The following EPHB1 variants were observed in gnomAD, a reference collection of about 807,000 sequenced individuals.
EPHB1 encodes the protein EPH receptor B1.
Under a neutral mutation model 94.4 loss-of-function variants are expected in EPHB1, and 30 were observed. The observed-to-expected ratio is 0.32, with a 90% CI of 0.24 to 0.43. EPHB1 has a LOEUF of 0.43. Among genes scored for constraint, EPHB1 ranks in the 20% least tolerant of loss-of-function variants. The probability of loss-of-function intolerance (pLI) is 1.00; values close to 1 mark genes in which losing one functional copy is unlikely to be tolerated. For synonymous variants in EPHB1, 522 were observed against 489.1 expected, an observed-to-expected ratio of 1.07 and a Z score of -0.89; for missense variants, 1,055 against 1,308.3, an observed-to-expected ratio of 0.81 and a Z score of 2.99.
At position 134,921,357 on chromosome 3, in the gene EPHB1, C is replaced by T. The variant is rs182508874; in HGVS notation, c.59-4459C>T. 2.6e-5 allele frequency among the ~76,000 whole-genome samples: 4 copies of T among 152,326 alleles called. No homozygotes were observed. In the East Asian group the frequency reaches 7.7e-4, roughly 29 times the overall value. ...AACCTCAAGCATTTCCCTTTGCCTA[C>T]ACACAGGGCGAATCTCCCTGATGCT... is the stretch of plus-strand genomic sequence containing the variant. On this transcript the variant is annotated intron_variant, in intron 1 of 15. Transcript: ENST00000398015.
At chr3:134,812,823 ATTGT>A (rs1340641873) in intron 1 of EPHB1, among the ~76,000 whole-genome samples, 1 of 151,972 alleles carries the variant, frequency 6.6e-6, no homozygotes, top group African/African-American at 2.4e-5. Flanking sequence ...ATGGCATCTC[ATTGT>A]TTGTTTTCGT....
intron 10 of EPHB1, among the ~76,000 whole-genome samples, chr3:135,185,233 G>T (rs1274880943): frequency 1.3e-5 from 2 of 152,220 alleles, no homozygotes. Context: ...TGTGGATGGG[G>T]ATGGAGTCAT....
rs1933586423 is a variant in EPHB1, at chr3:135,260,275, G to T, written c.*1155G>T. The T allele has an allele frequency of 4.3e-6, 1 of 233,050 alleles. No homozygotes were observed. Among genetic ancestry groups the T allele is most frequent in the African/African-American group, 2.2e-5 (1 of 45,332 alleles). The allele number at this position is 233,050 out of a possible 1,614,324, so 14.4% of individuals were successfully genotyped here. ...TTACCTATGGACTGGCTTAAGCCGT[G>T]TGGCATCCGAGGAATGTTTCAAATG... is the stretch of plus-strand genomic sequence containing the variant. On this transcript the variant is annotated 3_prime_UTR_variant, in exon 16 of 16. Transcript: ENST00000398015.
rs564675711 is a variant in EPHB1, at chr3:134,958,913, C to T, written c.805+6861C>T. ...ACCCCCTTGTGCTCTGCATAATGAT[C>T]CTTTCTGCCTTTGAGACACAGGGCT... is the stretch of plus-strand genomic sequence containing the variant. On this transcript the variant is annotated intron_variant, in intron 3 of 15. Coordinates refer to ENST00000398015, the MANE Select transcript of EPHB1 (RefSeq NM_004441.5). Among the ~76,000 whole-genome samples the T allele has an allele frequency of 1.1e-4, 17 of 152,282 alleles. No homozygotes were observed. In the South Asian group the frequency reaches 2.5e-3, roughly 22 times the overall value.
intron 3 of EPHB1, among the ~76,000 whole-genome samples, chr3:135,057,131 G>A (rs1408977286): frequency 2.0e-5 from 3 of 152,164 alleles, no homozygotes; most frequent in African/African-American, 7.2e-5. Context: ...GAGGGGGCTG[G>A]GGAAGGAGCC....
In EPHB1 at chr3:134,867,017, A is replaced by G. The variant is rs541465513; in HGVS notation, c.59-58799A>G. Among the ~76,000 whole-genome samples, 7 of 152,294 alleles carry G rather than the reference A, an allele frequency of 4.6e-5. No homozygotes were observed. In the East Asian group the frequency reaches 1.2e-3, roughly 25 times the overall value. On this transcript the variant is annotated intron_variant, in intron 1 of 15. Transcript: ENST00000398015. ...ACATTGAGCAGCCCATCGTGTCACT[A>G]GATACCTGGGGGCTGATCCCGTCCA...
At chr3:135,160,441 A>G (rs1290091540) in intron 6 of EPHB1, among the ~76,000 whole-genome samples, 1 of 152,188 alleles carries the variant, frequency 6.6e-6, no homozygotes, top group Admixed American at 6.5e-5. Flanking sequence ...CCAAGAATAC[A>G]GTTTACAATT....
intron 3 of EPHB1, among the ~76,000 whole-genome samples, chr3:135,007,867 A>G (rs950629666): frequency 5.3e-5 from 8 of 152,232 alleles, no homozygotes; most frequent in African/African-American, 1.9e-4. Context: ...GCTGTTGATC[A>G]GGTCAGGACG....
intron 4 of EPHB1, among the ~76,000 whole-genome samples, chr3:135,129,561 G>T (rs1195090945): frequency 2.0e-5 from 3 of 152,204 alleles, no homozygotes; most frequent in African/African-American, 7.2e-5. Context: ...AGGTGGGAGG[G>T]CAAAGTGCTG....
chr3:134,800,294 A>C (rs2035912099), intron 1 of EPHB1, among the ~76,000 whole-genome samples: 1 of 152,232 alleles, frequency 6.6e-6, no homozygotes, highest in African/African-American at 2.4e-5. Context: ...AAAGAAAGTA[A>C]GATGCTATTA....
intron 1 of EPHB1, among the ~76,000 whole-genome samples, chr3:134,809,640 C>T (rs1183667836): frequency 2.0e-5 from 3 of 152,220 alleles, no homozygotes; most frequent in Non-Finnish European, 4.4e-5. Context: ...ACATCGCCCT[C>T]TTTTATGGTG....
At chr3:134,990,209 T>C (rs996117389) in intron 3 of EPHB1, among the ~76,000 whole-genome samples, 2 of 152,222 alleles carry the variant, frequency 1.3e-5, no homozygotes, top group Non-Finnish European at 2.9e-5. Flanking sequence ...AATATAGCTA[T>C]AGAGAAGTCT....
intron 3 of EPHB1, among the ~76,000 whole-genome samples, chr3:135,019,952 A>G (rs2107753731): frequency 6.6e-6 from 1 of 152,328 alleles, no homozygotes; most frequent in Non-Finnish European, 1.5e-5. Context: ...GAGTCTGGAT[A>G]CCTACTGCCA....
chr3:134,927,223 T>C (rs2038812641), intron 2 of EPHB1, among the ~76,000 whole-genome samples: 1 of 152,218 alleles, frequency 6.6e-6, no homozygotes, highest in Admixed American at 6.5e-5. Context: ...GTGGTTCTAA[T>C]CGGGACATTT....
intron 12 of EPHB1, among the ~76,000 whole-genome samples, chr3:135,223,437 C>T (rs1477014055): frequency 1.3e-5 from 2 of 152,138 alleles, no homozygotes. Context: ...AAGTATAGGC[C>T]ATCAAACCTG....
intron 3 of EPHB1, among the ~76,000 whole-genome samples, chr3:135,042,548 G>T: frequency 6.6e-6 from 1 of 152,106 alleles, no homozygotes; most frequent in Non-Finnish European, 1.5e-5. Context: ...ATTTTTATTT[G>T]CTAAATCCAG....
intron 3 of EPHB1, among the ~76,000 whole-genome samples, chr3:135,049,654 A>G (rs1937109157): frequency 6.6e-6 from 1 of 152,240 alleles, no homozygotes. Flanking sequence ...TACAGAACCC[A>G]GATTTAAGAG....
chr3:134,903,914 A>G (rs1013318692), intron 1 of EPHB1, among the ~76,000 whole-genome samples: 23 of 152,206 alleles, frequency 1.5e-4, no homozygotes, highest in Non-Finnish European at 2.9e-5. Flanking sequence ...CGAAGGAAAA[A>G]GCCTGAAGGC....
chr3:135,092,903 A>C (rs1938610610), intron 3 of EPHB1, among the ~76,000 whole-genome samples: 1 of 152,206 alleles, frequency 6.6e-6, no homozygotes, highest in African/African-American at 2.4e-5. Flanking sequence ...CTGGGATTAC[A>C]GGCGGGAGCC....
Sources: allele counts gnomAD v4.1 joint callset (sites outside exome capture counted in the v4.1 genomes callset), GRCh38; gene constraint gnomAD v4.1.1; transcripts MANE v1.5; gene names NCBI Gene and HGNC (gene_info 2026-07-23, HGNC 2026-07-21).